KANSL3: variants seen among roughly 807,000 people sequenced by gnomAD.
KANSL3 encodes NSL complex protein NSL3.
A neutral mutation model predicts 89.2 loss-of-function variants in KANSL3; 16 were observed. The ratio of observed to expected loss-of-function variants is 0.18; its 90% CI spans 0.12 to 0.27. The LOEUF is 0.27. Among genes scored for constraint, KANSL3 ranks in the 10% least tolerant of loss-of-function variants. The pLI is 1.00. For missense variants in KANSL3, 879 were observed against 1,110.6 expected (o/e 0.79, Z 2.96); for synonymous variants, 385 against 419.7 (o/e 0.92, Z 1.01).
chr2:96,598,152 G>A (rs746922612), intron 20 of KANSL3: 271 of 985,196 alleles, frequency 2.8e-4, no homozygotes, highest in Non-Finnish European at 3.2e-4. Context: ...ATCAGCAAAC[G>A]AAGACACCCT....
At chr2:96,628,476 C>T (rs2072796487) in intron 3 of KANSL3, 1 of 180,662 alleles carries the variant, frequency 5.5e-6, no homozygotes, top group African/African-American at 2.4e-5. Flanking sequence ...ATGGTGAAAC[C>T]CAATCTCTAC....
the KANSL3 span, among the ~76,000 whole-genome samples, chr2:96,582,491 T>G: frequency 3.7e-3 from 571 of 152,362 alleles, 8 homozygotes; most frequent in Admixed American, 0.012. Flanking sequence ...GTATTTAATT[T>G]TCCAGTGACA....
At chr2:96,623,522 A>G (rs997439435) in intron 3 of KANSL3, among the ~76,000 whole-genome samples, 1 of 152,192 alleles carries the variant, frequency 6.6e-6, no homozygotes, top group Non-Finnish European at 1.5e-5. Context: ...AACTATCTAA[A>G]TGTCCCTGGA....
intron 3 of KANSL3, among the ~76,000 whole-genome samples, chr2:96,629,003 C>T (rs1487226931): frequency 1.3e-5 from 2 of 152,150 alleles, no homozygotes; most frequent in African/African-American, 4.8e-5. Flanking sequence ...TTCTCCATCA[C>T]TTCCTAATTA....
intron 7 of KANSL3, 126 bp from the exon 8 acceptor site, chr2:96,612,689 T>G (rs895737284): frequency 5.4e-6 from 6 of 1,102,816 alleles, no homozygotes; most frequent in African/African-American, 4.7e-5. Context: ...AGGCTCCACA[T>G]GAAAGAAGGG....
chr2:96,610,993 G>T, intron 10 of KANSL3, 71 bp downstream of exon 10: 1 of 1,577,498 alleles, frequency 6.3e-7, no homozygotes, highest in Non-Finnish European at 8.7e-7. Flanking sequence ...CTCAGCATCA[G>T]CTTGGACAAG....
At chr2:96,602,430 C>CA in intron 18 of KANSL3, 92 bp from the exon 19 acceptor site, 1 of 943,136 alleles carries the variant, frequency 1.1e-6, no homozygotes, top group South Asian at 1.4e-5. Flanking sequence ...TAAAGGCTAA[C>CA]ATGTATTGAG....
rs2073270501 is a variant in KANSL3, at chr2:96,630,897, T to C, written c.386+415A>G. ...AACATCTGTTAGCTTTTCATGTGAC[T>C]TCACAACTTCCATCATCCTAGTTAT... is the stretch of plus-strand genomic sequence containing the variant. On this transcript the variant is annotated intron_variant, in intron 3 of 20. Transcript: ENST00000431828. 2.6e-5 allele frequency among the ~76,000 whole-genome samples: 4 copies of C among 152,356 alleles called. 1 individual carries two copies. In the South Asian group the frequency reaches 8.3e-4, roughly 32 times the overall value.
rs1216153943 is a variant in KANSL3 at position 96,594,345 on chromosome 2, A to G, written c.*1266T>C. 6.6e-6 allele frequency: 1 copy of G among 152,182 alleles called. No homozygotes were observed. Among genetic ancestry groups the G allele is most frequent in the Non-Finnish European group, 1.5e-5 (1 of 68,028 alleles). The allele number at this position is 152,182 out of a possible 1,614,324, so 9.4% of individuals were successfully genotyped here. A position where few individuals can be genotyped will look rare whatever the true frequency, so the allele number is the denominator to read the frequency against. On this transcript the variant is annotated 3_prime_UTR_variant, in exon 21 of 21. Coordinates refer to ENST00000431828, the MANE Select transcript of KANSL3 (RefSeq NM_001115016.3). ...GCCTGTTCTGGAGGATAGCTTCTAA[A>G]CCAAATCTAAAACTATCTTTGCACA... is the stretch of plus-strand genomic sequence containing the variant.
rs74502877 is a variant in KANSL3, at chr2:96,602,509, T to A, written c.2260-171A>T. ...TTATTTCATTCTTATAACAACTCTATGAGGGAGGTACTATTATTACCTCAT... is the reference window on the plus strand; with the variant it reads ...TTATTTCATTCTTATAACAACTCTAAGAGGGAGGTACTATTATTACCTCAT... On this transcript the variant is annotated intron_variant, in intron 18 of 20. Coordinates refer to ENST00000431828, the MANE Select transcript of KANSL3 (RefSeq NM_001115016.3). Among the ~76,000 whole-genome samples, 89 of 152,334 alleles carry A rather than the reference T, an allele frequency of 5.8e-4. 1 individual carries two copies. The East Asian group carries it at 0.017, about 29-fold the overall frequency.
intron 5 of KANSL3, among the ~76,000 whole-genome samples, chr2:96,618,153 G>A (rs2070559215): frequency 6.6e-6 from 1 of 150,480 alleles, no homozygotes; most frequent in Non-Finnish European, 1.5e-5. Context: ...GGAAGATCCT[G>A]TCTCCAAAGA....
At chr2:96,604,689 A>T in intron 16 of KANSL3, 90 bp downstream of exon 16, 1 of 1,193,946 alleles carries the variant, frequency 8.4e-7, no homozygotes, top group Non-Finnish European at 1.2e-6. Context: ...ACAAGAATCC[A>T]GAATCCATCA....
At chr2:96,619,834 A>T in intron 3 of KANSL3, 72 bp from the exon 4 acceptor site, 1 of 1,175,514 alleles carries the variant, frequency 8.5e-7, no homozygotes, top group Non-Finnish European at 1.2e-6. Context: ...CCATATAAAG[A>T]AGATTATGCC....
At chr2:96,585,927 A>C in the KANSL3 span, among the ~76,000 whole-genome samples, 1 of 152,206 alleles carries the variant, frequency 6.6e-6, no homozygotes, top group African/African-American at 2.4e-5. Context: ...ACACAAAGGC[A>C]TAAGAATGAT....
At chr2:96,600,410 A>G (rs2067012223) in intron 20 of KANSL3, 2 of 961,312 alleles carry the variant, frequency 2.1e-6, no homozygotes, top group Non-Finnish European at 2.5e-6. Flanking sequence ...AAAATAAGAA[A>G]TAAGATAAAA....
chr2:96,603,157 G>T (rs971148764), intron 17 of KANSL3: 2 of 283,572 alleles, frequency 7.1e-6, no homozygotes, highest in African/African-American at 2.2e-5. Flanking sequence ...TTTCTTTCCA[G>T]GGAAGAACTT....
intron 5 of KANSL3, among the ~76,000 whole-genome samples, chr2:96,618,084 G>C (rs1445659253): frequency 1.3e-5 from 2 of 151,822 alleles, no homozygotes; most frequent in African/African-American, 4.8e-5. Context: ...CTTGAGCCCA[G>C]GAGTTCGAAG....
rs776152330 is a variant in KANSL3, at chr2:96,609,028, G to A, written c.1420C>T (p.Arg474Cys). ...IVDFLTGVLT[R>C]AEGHMGSEPR... ...TCAGAGCCCATGTGACCCTCAGCAC[G>A]AGTGAGCACTCCAGTCAGAAAGTCC... Residue 474 changes from arginine to cysteine, a missense_variant, in exon 13 of 21, where the codon CGT (arginine) becomes TGT (cysteine). Around this residue, in one of 6 missense-constraint regions of KANSL3, gnomAD observed 317 missense variants for 311.2 expected, o/e 1.02. Coordinates refer to ENST00000431828, the MANE Select transcript of KANSL3 (RefSeq NM_001115016.3). 26 of 1,564,934 alleles carry A rather than the reference G, an allele frequency of 1.7e-5. No homozygotes were observed. The highest frequency in any genetic ancestry group is 1.7e-4 in the Middle Eastern group (1 of 6,028).
intron 3 of KANSL3, among the ~76,000 whole-genome samples, chr2:96,625,875 T>G (rs1218048583): frequency 6.6e-6 from 1 of 152,128 alleles, no homozygotes; most frequent in African/African-American, 2.4e-5. Flanking sequence ...TAGCAAAAAT[T>G]TTAAAAACAG....
Sources: gnomAD v4.1 joint callset for allele counts (sites outside exome capture counted in the v4.1 genomes callset) on GRCh38, gnomAD v4.1.1 for gene constraint, gnomAD v4.1.1 regional missense constraint, MANE v1.5 for transcripts, NCBI Gene and HGNC (gene_info 2026-07-23, HGNC 2026-07-21) for gene names.